WIZ: variants seen among roughly 807,000 people sequenced by gnomAD.
WIZ encodes the protein protein Wiz.
In WIZ, 25 loss-of-function variants were observed where a neutral mutation model predicts 140.2. That is an observed-to-expected ratio of 0.18 (90% CI 0.13 to 0.25). The LOEUF (loss-of-function observed/expected upper bound fraction) is 0.25, where lower values mean the gene tolerates loss of function less well. WIZ is among the 10% of genes least tolerant of loss of function. WIZ has a pLI of 1.00. For missense variants in WIZ, 2,231 were observed against 2,632.6 expected (o/e 0.85, Z 3.34); for synonymous variants, 1,125 against 1,154.3 (o/e 0.97, Z 0.51).
In WIZ at chr19:15,428,200, C is replaced by G. The variant is rs1480723488; in HGVS notation, c.3724G>C (p.Ala1242Pro). The change falls in exon 8 of 13, where the codon GCC becomes CCC. Residue 1242 changes from alanine (A) to proline (P), a missense_variant. Ala to Pro is a conservative substitution (Grantham distance 27). Coordinates refer to ENST00000673675, the MANE Select transcript of WIZ (RefSeq NM_001371589.1). The surrounding 1 kb of genome is among the most constrained non-coding windows in gnomAD (Gnocchi z 6.4). ...AGGTCCTGCTTCCCCCAGGGGCTGG[C>G]CATACCCGCGGCCTTCAGCTTGGCC... Reference protein sequence around the residue: ...KKAKLKAAGMASPWGKQDLSA... With the variant: ...KKAKLKAAGMPSPWGKQDLSA... 1.3e-6 allele frequency: 2 copies of G among 1,534,038 alleles called. No individual in the cohort carries two copies. The highest frequency in any genetic ancestry group is 2.4e-5 in the East Asian group (1 of 40,912).
intron 3 of WIZ, among the ~76,000 whole-genome samples, chr19:15,441,044 A>G (rs1299502093): frequency 1.3e-5 from 2 of 152,022 alleles, no homozygotes; most frequent in African/African-American, 2.4e-5. Context: ...GTCAACTCTC[A>G]TCTCTCCCCA....
intron 4 of WIZ, among the ~76,000 whole-genome samples, chr19:15,437,994 GACAC>G (rs140038466): frequency 1.7e-4 from 26 of 150,640 alleles, no homozygotes; most frequent in Admixed American, 4.0e-4. Flanking sequence ...CTAGTGCGTA[GACAC>G]ACACACACAC....
At chr19:15,441,195 T>C (rs950359700) in intron 3 of WIZ, among the ~76,000 whole-genome samples, 1 of 152,198 alleles carries the variant, frequency 6.6e-6, no homozygotes, top group African/African-American at 2.4e-5. Flanking sequence ...CAAAGGAATG[T>C]TCCTTTTCCC....
chr19:15,435,861 G>A (rs183168646), intron 5 of WIZ, among the ~76,000 whole-genome samples: 4 of 152,214 alleles, frequency 2.6e-5, no homozygotes, highest in East Asian at 1.9e-4. Context: ...AGTAGCTCAC[G>A]CCTGTAATCC....
chr19:15,436,758 G>A lies in WIZ; in HGVS notation c.2740+48C>T, dbSNP rs749684794. The A allele has an allele frequency of 4.0e-6, 6 of 1,491,734 alleles. No homozygotes were observed. The African/African-American group carries it at 7.2e-5, about 18-fold the overall frequency. The allele number at this position is 1,491,734 out of a possible 1,614,324, so 92.4% of individuals were successfully genotyped here. On this transcript the variant is annotated intron_variant, in intron 5 of 12. Transcript: ENST00000673675. ...CAGCCCCGCCCCTCCAATGCTCTGG[G>A]CCCCTGGGAAGGATGGGGCTCCAGC... is the stretch of plus-strand genomic sequence containing the variant.
chr19:15,431,695 G>A (rs1247987405), intron 5 of WIZ, among the ~76,000 whole-genome samples: 1 of 152,238 alleles, frequency 6.6e-6, no homozygotes, highest in Non-Finnish European at 1.5e-5. Flanking sequence ...AGACAATGGG[G>A]GACCAGGGGT....
intron 4 of WIZ, among the ~76,000 whole-genome samples, 156 bp downstream of exon 4, chr19:15,438,422 C>T (rs2145355164): frequency 6.6e-6 from 1 of 152,358 alleles, no homozygotes; most frequent in Admixed American, 6.5e-5. Context: ...CGTCTCCACA[C>T]ATCCACCGAC....
At position 15,426,897 on chromosome 19, in the gene WIZ, C is replaced by T. The variant is rs1968858336; in HGVS notation, c.4366+85G>A. 4.0e-6 allele frequency: 6 copies of T among 1,496,498 alleles called. No individual in the cohort carries two copies. The Admixed American group carries it at 1.3e-4, about 31-fold the overall frequency. The allele number at this position is 1,496,498 out of a possible 1,614,324, so 92.7% of individuals were successfully genotyped here. A position where few individuals can be genotyped will look rare whatever the true frequency, so the allele number is the denominator to read the frequency against. On this transcript the variant is annotated intron_variant, in intron 9 of 12. Transcript: ENST00000673675. Reference sequence around the variant, plus strand: ...GCGTGTCCTCCCTTCCAATTCAACCCTAGGCACTCTGGATACCCCCAAGGG... The same window carrying T: ...GCGTGTCCTCCCTTCCAATTCAACCTTAGGCACTCTGGATACCCCCAAGGG...
chr19:15,427,050 T>G lies in WIZ; in HGVS notation c.4298A>C (p.His1433Pro), dbSNP rs774066872. The G allele has an allele frequency of 6.4e-5, 104 of 1,614,078 alleles. No individual in the cohort carries two copies. Among genetic ancestry groups the G allele is most frequent in the Non-Finnish European group, 8.6e-5 (101 of 1,180,028 alleles). Residue 1433 changes from histidine to proline, a missense_variant, in exon 9 of 13, where the codon CAT becomes CCT. By Grantham distance (77) the His-to-Pro change is moderately conservative (BLOSUM62 -2). Transcript: ENST00000673675. This position sits in a 1 kb window ranked among gnomAD's most constrained non-coding sequence, Gnocchi z 6.4. ...IKREMLPGAL[H>P]GELHPSEGPW... Reference sequence around the variant, plus strand: ...ACCCTCAGATGGGTGCAGTTCCCCATGAAGGGCCCCCGGCAGCATCTCCCG... The same window carrying G: ...ACCCTCAGATGGGTGCAGTTCCCCAGGAAGGGCCCCCGGCAGCATCTCCCG...
chr19:15,437,991 G>A (rs1314047858), intron 4 of WIZ, among the ~76,000 whole-genome samples: 1 of 151,846 alleles, frequency 6.6e-6, no homozygotes, highest in African/African-American at 2.4e-5. Context: ...CCCCTAGTGC[G>A]TAGACACACA....
Position 15,422,063 on chromosome 19 carries a change from GAAAAACACAC to G in WIZ, c.*1003_*1012del, listed in dbSNP as rs1425631710. 6.6e-6 allele frequency: 1 copy of G among 152,274 alleles called. No individual in the cohort carries two copies. The highest frequency in any genetic ancestry group is 1.5e-5 in the Non-Finnish European group (1 of 68,094). 9.4% of individuals were successfully genotyped at this position (152,274 alleles called of 1,614,324 possible). A position where few individuals can be genotyped will look rare whatever the true frequency, so the allele number is the denominator to read the frequency against. ...CCAATGCCAGCCTGTCCACTTGACA[GAAAAACACAC>G]GCTGGCCGCCTGCCCCAGGGTGTTT... On this transcript the variant is annotated 3_prime_UTR_variant, in exon 13 of 13. Transcript: ENST00000673675.
chr19:15,437,128 C>T lies in WIZ; in HGVS notation c.2418G>A (p.Val806=). The change falls in exon 5 of 13, where the codon GTG becomes GTA. Residue 806 remains valine (V), a splice_region_variant and synonymous_variant. Transcript: ENST00000673675. ...RFSFQKKKKK[V]ANFDPGTFSL... The stretch of plus-strand genomic sequence containing the variant: ...TGAAGGTGCCTGGGTCAAAGTTGGC[C>T]ACTGTGGAGAGAGGACAGGACTGCC... 1 of 1,593,144 alleles carries T rather than the reference C, an allele frequency of 6.3e-7. No individual in the cohort carries two copies.
rs1359107790 is a variant in WIZ at position 15,421,441 on chromosome 19, C to G, written c.*1635G>C. The G allele has an allele frequency of 1.3e-5, 2 of 152,320 alleles. No individual in the cohort carries two copies. Among genetic ancestry groups the G allele is most frequent in the Non-Finnish European group, 2.9e-5 (2 of 68,064 alleles). The allele number at this position is 152,320 out of a possible 1,614,324, so 9.4% of individuals were successfully genotyped here. ...AGAGGTGGCCCCTTCTGTCCACACG[C>G]CATGAGGTCGTTCCCACTCTCCAGC... is the stretch of plus-strand genomic sequence containing the variant. On this transcript the variant is annotated 3_prime_UTR_variant, in exon 13 of 13. Transcript: ENST00000673675.
intron 2 of WIZ, among the ~76,000 whole-genome samples, chr19:15,443,692 C>T (rs1016733674): frequency 6.6e-6 from 1 of 152,172 alleles, no homozygotes; most frequent in African/African-American, 2.4e-5. Context: ...CTTGCTGGGT[C>T]CCCTACTAGC....
chr19:15,424,832 G>A lies in WIZ; in HGVS notation c.5095C>T (p.Pro1699Ser). 2 of 1,610,164 alleles carry A rather than the reference G, an allele frequency of 1.2e-6. No individual in the cohort carries two copies. Among genetic ancestry groups the A allele is most frequent in the Non-Finnish European group, 1.7e-6 (2 of 1,179,012 alleles). ...AYRSYIQGGR[P>S]FTKKFRSAGH... ...GCACTGCGGAACTTCTTGGTGAAGGGGCGGCCGCCCTGGATGTAGCTGCGG... is the reference window on the plus strand; with the variant it reads ...GCACTGCGGAACTTCTTGGTGAAGGAGCGGCCGCCCTGGATGTAGCTGCGG... Residue 1699 changes from proline (P) to serine (S), a missense_variant, in exon 11 of 13, where the codon CCC becomes TCC. By Grantham distance (74) the Pro-to-Ser change is moderately conservative. Transcript: ENST00000673675. The surrounding 1 kb of genome is among the most constrained non-coding windows in gnomAD (Gnocchi z 9.7).
rs1969699162 is a variant in WIZ at position 15,440,464 on chromosome 19, T to C, written c.530A>G (p.His177Arg). ...GTCGAACCTGGGGCGGCCCTGGGCA[T>C]GTTTCTCCAAAAGCCTTGGTTCCCC... is the stretch of plus-strand genomic sequence containing the variant. Reference protein sequence around the residue: ...HRGEPRLLEKHAQGRPRFDWL... With the variant: ...HRGEPRLLEKRAQGRPRFDWL... Residue 177 changes from histidine (H) to arginine (R), a missense_variant, in exon 4 of 13, where the codon CAT (histidine) becomes CGT (arginine). His to Arg is a conservative substitution (Grantham distance 29). This residue lies in a region of WIZ where 307 missense variants were observed against 294.1 expected (regional missense o/e 1.04). Transcript: ENST00000673675. This position sits in a 1 kb window ranked among gnomAD's most constrained non-coding sequence, Gnocchi z 6.2. 1 of 1,536,114 alleles carries C rather than the reference T, an allele frequency of 6.5e-7. No homozygotes were observed. The highest frequency in any genetic ancestry group is 1.2e-5 in the South Asian group (1 of 84,062).
chr19:15,438,888 T>C lies in WIZ; in HGVS notation c.2106A>G (p.Pro702=). 6.9e-7 allele frequency: 1 copy of C among 1,454,134 alleles called. No individual in the cohort carries two copies. Among genetic ancestry groups the C allele is most frequent in the African/African-American group, 1.4e-5 (1 of 70,570 alleles). 90.1% of individuals were successfully genotyped at this position (1,454,134 alleles called of 1,614,324 possible). The change falls in exon 4 of 13, where the codon CCA becomes CCG. Residue 702 remains proline (P), a synonymous_variant. Coordinates refer to ENST00000673675, the MANE Select transcript of WIZ (RefSeq NM_001371589.1). ...GCCCCAGCTCCTCGGGCTGCAACCT[T>C]GGGGGCACCCTGGCTGCCGCCATGA... ...PQVMAAARVP[P]RLQPEELGLA...
In WIZ at chr19:15,438,827, C is replaced by T; in HGVS notation, c.2167G>A (p.Asp723Asn). The T allele has an allele frequency of 6.7e-7, 1 of 1,500,166 alleles. No individual in the cohort carries two copies. The highest frequency in any genetic ancestry group is 8.9e-7 in the Non-Finnish European group (1 of 1,122,658). 92.9% of individuals were successfully genotyped at this position (1,500,166 alleles called of 1,614,324 possible). A position where few individuals can be genotyped will look rare whatever the true frequency, so the allele number is the denominator to read the frequency against. ...CCCAGCGGGCCGCCCAGCGGCGCGT[C>T]CAGGAGCAGGAAGTCCAGGGGGTGG... ...GAHPLDFLLL[D>N]APLGGPLGLD... Residue 723 changes from aspartate to asparagine, a missense_variant, in exon 4 of 13, where the codon GAC (aspartate) becomes AAC (asparagine). By Grantham distance (23) the Asp-to-Asn change is conservative. Around this residue, in one of 15 missense-constraint regions of WIZ, gnomAD observed 118 missense variants for 209.1 expected, o/e 0.56. Coordinates refer to ENST00000673675, the MANE Select transcript of WIZ (RefSeq NM_001371589.1).
At chr19:15,433,167 G>T (rs1196766532) in intron 5 of WIZ, 2 of 874,954 alleles carry the variant, frequency 2.3e-6, no homozygotes, top group Admixed American at 6.2e-5. Flanking sequence ...GAAAACACCT[G>T]ATCTCCAACC....
Sources: gnomAD v4.1 joint callset for allele counts (sites outside exome capture counted in the v4.1 genomes callset) on GRCh38, gnomAD v4.1.1 for gene constraint, gnomAD v4.1.1 regional missense constraint, Gnocchi (gnomAD v3.1) non-coding constraint, MANE v1.5 for transcripts, NCBI Gene and HGNC (gene_info 2026-07-23, HGNC 2026-07-21) for gene names.